FRMD8: variants seen among roughly 807,000 people sequenced by gnomAD.
FRMD8 encodes the protein FERM domain-containing protein 8.
Under a neutral mutation model 54.2 loss-of-function variants are expected in FRMD8, and 37 were observed. That is an observed-to-expected ratio of 0.68 (90% CI 0.53 to 0.90). The LOEUF is 0.90. Ranked by LOEUF, FRMD8 falls within the 40% of genes least tolerant of loss-of-function variation. The probability of loss-of-function intolerance (pLI) is 0.00; values close to 1 mark genes in which losing one functional copy is unlikely to be tolerated. For missense variants in FRMD8, 585 were observed against 653.7 expected, an observed-to-expected ratio of 0.89 and a Z score of 1.15; for synonymous variants, 246 against 286.9, an observed-to-expected ratio of 0.86 and a Z score of 1.44.
chr11:65,374,360 A>AGCCATGTGCCTAGGTGGAGC, the FRMD8 span, among the ~76,000 whole-genome samples: 1 of 152,052 alleles, frequency 6.6e-6, no homozygotes, highest in Non-Finnish European at 1.5e-5. Flanking sequence ...CAGGGTAGCT[A>AGCCATGTGCCTAGGTGGAGC]AGTAACTGGA....
At chr11:65,402,402 A>C (rs1043620746) in intron 9 of FRMD8, among the ~76,000 whole-genome samples, 3 of 151,914 alleles carry the variant, frequency 2.0e-5, no homozygotes, top group Admixed American at 6.6e-5. Flanking sequence ...TCTTTGTTGA[A>C]AATCAATTGG....
chr11:65,411,531 G>T lies in FRMD8; in HGVS notation c.*171G>T. The T allele has an allele frequency of 1.9e-6, 1 of 514,042 alleles. No homozygotes were observed. The allele number at this position is 514,042 out of a possible 1,614,324, so 31.8% of individuals were successfully genotyped here. A position where few individuals can be genotyped will look rare whatever the true frequency, so the allele number is the denominator to read the frequency against. ...ACTTTTGGGCCCGGGGCCATGCCCG[G>T]GCTGTGCAAAGCTGGCCAGGGCCTC... On this transcript the variant is annotated 3_prime_UTR_variant, in exon 11 of 11. Transcript: ENST00000317568.
the FRMD8 span, chr11:65,380,536 C>G: frequency 7.3e-7 from 1 of 1,365,532 alleles, no homozygotes; most frequent in Non-Finnish European, 9.6e-7. Context: ...GTTCCCACCT[C>G]TCCGAGAGCT....
In FRMD8 at chr11:65,394,239, C is replaced by T; in HGVS notation, c.415-20C>T. The T allele has an allele frequency of 2.5e-6, 4 of 1,597,486 alleles. No individual in the cohort carries two copies. The highest frequency in any genetic ancestry group is 3.4e-6 in the Non-Finnish European group (4 of 1,172,518). Reference sequence around the variant, plus strand: ...GCCCCAGCCCAGCTGAGCGGCTGTCCCTGCCACACCCCCCTGCAGATCCAT... The same window carrying T: ...GCCCCAGCCCAGCTGAGCGGCTGTCTCTGCCACACCCCCCTGCAGATCCAT... On this transcript the variant is annotated intron_variant, in intron 5 of 10. Transcript: ENST00000317568.
intron 6 of FRMD8, among the ~76,000 whole-genome samples, chr11:65,396,054 G>A (rs1023352813): frequency 1.3e-5 from 2 of 152,356 alleles, no homozygotes; most frequent in African/African-American, 4.8e-5. Flanking sequence ...GGCACACTGC[G>A]GGTGCTCAGG....
chr11:65,387,482 T>C (rs924480339), intron 2 of FRMD8, among the ~76,000 whole-genome samples: 6 of 152,004 alleles, frequency 3.9e-5, no homozygotes, highest in Non-Finnish European at 4.4e-5. Context: ...CTGGGCAACA[T>C]AGACAAAAAA....
intron 3 of FRMD8, among the ~76,000 whole-genome samples, chr11:65,391,297 G>C (rs1455205117): frequency 6.6e-6 from 1 of 152,194 alleles, no homozygotes; most frequent in East Asian, 1.9e-4. Flanking sequence ...GGAGTCTTTT[G>C]AGCTGCTGGG....
At chr11:65,381,803 C>T, upstream of FRMD8, 2 of 1,374,868 alleles carry the variant, frequency 1.5e-6, no homozygotes, top group Non-Finnish European at 2.1e-6. Flanking sequence ...AGTGATCCTC[C>T]CGCCAGGCCG....
At chr11:65,409,092 A>T (rs947871606) in intron 10 of FRMD8, among the ~76,000 whole-genome samples, 3 of 145,500 alleles carry the variant, frequency 2.1e-5, no homozygotes, top group African/African-American at 5.0e-5. Flanking sequence ...GAGATTGGAA[A>T]TTTTTTTTTT....
chr11:65,369,861 C>A, the FRMD8 span, among the ~76,000 whole-genome samples: 1 of 151,056 alleles, frequency 6.6e-6, no homozygotes. Context: ...GGAGAAATCC[C>A]GTCTCTACTA....
the FRMD8 span, chr11:65,376,302 G>T: frequency 7.2e-7 from 1 of 1,398,292 alleles, no homozygotes; most frequent in Non-Finnish European, 9.7e-7. Context: ...GTTAGGAAGG[G>T]CTGAGCCTCT....
chr11:65,394,463 G>T (rs773066344), intron 6 of FRMD8, 38 bp downstream of exon 6: 2 of 1,537,686 alleles, frequency 1.3e-6, no homozygotes, highest in East Asian at 2.4e-5. Flanking sequence ...GGCGCTGGGT[G>T]GGGGAGTTTG....
the FRMD8 span, chr11:65,376,842 A>C: frequency 6.2e-7 from 1 of 1,614,176 alleles, no homozygotes; most frequent in African/African-American, 1.3e-5. Context: ...TCTGGTGTGT[A>C]CTGGCGACAG....
Position 65,396,900 on chromosome 11 carries a change from AG to A in FRMD8, c.686del (p.Gly229AlafsTer3). On this transcript the variant is annotated frameshift_variant, in exon 7 of 11. Coordinates refer to ENST00000317568, the MANE Select transcript of FRMD8 (RefSeq NM_031904.5). LOFTEE classifies it high-confidence loss of function. ...GGGGCCAGGGCCGGGCCGGGCGAGC[AG>A]GGCCTGCTGAACGCCTACCGCCAGG... ...GRGARAGPGE[Q>X]GLLNAYRQVQ... 6.4e-7 allele frequency: 1 copy of A among 1,557,734 alleles called. No homozygotes were observed. The highest frequency in any genetic ancestry group is 8.7e-7 in the Non-Finnish European group (1 of 1,151,458).
chr11:65,380,734 G>T, the FRMD8 span: 1 of 556,970 alleles, frequency 1.8e-6, no homozygotes, highest in Non-Finnish European at 2.8e-6. Context: ...TGGTTCTGGA[G>T]TTTGGGGGAG....
intron 2 of FRMD8, chr11:65,387,343 C>T: frequency 1.6e-6 from 1 of 645,122 alleles, no homozygotes; most frequent in Admixed American, 2.4e-5. Flanking sequence ...GCTTGTTTAA[C>T]ATAGCTGTGA....
intron 3 of FRMD8, among the ~76,000 whole-genome samples, chr11:65,390,222 A>C (rs1015940558): frequency 1.3e-5 from 2 of 152,000 alleles, no homozygotes; most frequent in Non-Finnish European, 2.9e-5. Context: ...GGAGGGACTT[A>C]AGGGCGGTGG....
At chr11:65,383,774 C>CAAAAA (rs60756847), upstream of FRMD8, 2 of 111,228 alleles carry the variant, frequency 1.8e-5, no homozygotes, top group Non-Finnish European at 3.3e-5. Flanking sequence ...AAAAAACAAA[C>CAAAAA]AAACAAACAA....
upstream of FRMD8, among the ~76,000 whole-genome samples, chr11:65,384,024 T>C (rs1212503235): frequency 3.2e-4 from 48 of 152,112 alleles, no homozygotes; most frequent in Non-Finnish European, 2.9e-5. Flanking sequence ...CTCTCAGCTC[T>C]AAAGGCTGGA....
Sources: gnomAD v4.1 joint callset for allele counts (sites outside exome capture counted in the v4.1 genomes callset) on GRCh38, gnomAD v4.1.1 for gene constraint, MANE v1.5 for transcripts, NCBI Gene and HGNC (gene_info 2026-07-23, HGNC 2026-07-21) for gene names.